COL26A1: variants seen among roughly 807,000 people sequenced by gnomAD.
COL26A1 encodes the protein collagen alpha-1(XXVI) chain.
COL26A1 carries 41 observed loss-of-function variants against 59.3 expected under a neutral mutation model. That is an observed-to-expected ratio of 0.69 (90% CI 0.54 to 0.90). The LOEUF (loss-of-function observed/expected upper bound fraction) is 0.90. Among genes scored for constraint, COL26A1 ranks in the 40% least tolerant of loss-of-function variants. The probability of loss-of-function intolerance (pLI) is 0.00; values close to 1 mark genes in which losing one functional copy is unlikely to be tolerated. For missense variants in COL26A1, 612 were observed against 602.3 expected, an observed-to-expected ratio of 1.02 and a Z score of -0.17; for synonymous variants, 266 against 256.0, an observed-to-expected ratio of 1.04 and a Z score of -0.37.
At chr7:101,502,567 T>C (rs1293956086) in intron 3 of COL26A1, among the ~76,000 whole-genome samples, 1 of 152,228 alleles carries the variant, frequency 6.6e-6, no homozygotes, top group African/African-American at 2.4e-5. Flanking sequence ...CCTCAGGGAC[T>C]GGCAGGTGCT....
At chr7:101,452,919 C>T (rs1213589214) in intron 3 of COL26A1, among the ~76,000 whole-genome samples, 2 of 152,120 alleles carry the variant, frequency 1.3e-5, no homozygotes, top group Non-Finnish European at 2.9e-5. Flanking sequence ...CATCTGCCAC[C>T]ATGCCTGGCT....
chr7:101,458,348 A>G, intron 3 of COL26A1, among the ~76,000 whole-genome samples: 1 of 152,150 alleles, frequency 6.6e-6, no homozygotes, highest in Non-Finnish European at 1.5e-5. Flanking sequence ...GTGAAATGGT[A>G]CTTTAGGCCG....
intron 1 of COL26A1, among the ~76,000 whole-genome samples, chr7:101,368,540 A>G (rs902092311): frequency 3.9e-5 from 6 of 152,124 alleles, no homozygotes; most frequent in African/African-American, 1.4e-4. Flanking sequence ...CACTATTTAT[A>G]CTTACTTTTA....
intron 1 of COL26A1, among the ~76,000 whole-genome samples, chr7:101,363,725 G>T (rs1165188024): frequency 6.6e-6 from 1 of 151,906 alleles, no homozygotes; most frequent in African/African-American, 2.4e-5. Context: ...CCCAACCTTC[G>T]CCCCCTCGTT....
intron 3 of COL26A1, among the ~76,000 whole-genome samples, chr7:101,476,806 C>T (rs932367139): frequency 6.6e-6 from 1 of 150,918 alleles, no homozygotes; most frequent in Non-Finnish European, 1.5e-5. Flanking sequence ...CTCGGCCTCC[C>T]AAAGTGCTGG....
chr7:101,478,309 C>T (rs1037636856), intron 3 of COL26A1, among the ~76,000 whole-genome samples: 2 of 152,170 alleles, frequency 1.3e-5, no homozygotes, highest in Non-Finnish European at 2.9e-5. Context: ...AAACACAAAC[C>T]TTTCTGTGAC....
intron 3 of COL26A1, among the ~76,000 whole-genome samples, chr7:101,476,617 G>A (rs900614347): frequency 6.6e-6 from 1 of 150,626 alleles, no homozygotes; most frequent in Non-Finnish European, 1.5e-5. Context: ...GCATGATCTC[G>A]GCTCACTGCA....
intron 3 of COL26A1, among the ~76,000 whole-genome samples, chr7:101,507,491 A>G (rs1261279828): frequency 6.7e-6 from 1 of 150,210 alleles, no homozygotes; most frequent in Non-Finnish European, 1.5e-5. Context: ...GTGTGATCAC[A>G]GTTCACTGCA....
At chr7:101,540,070 G>T in intron 5 of COL26A1, 21 bp downstream of exon 5, 1 of 1,603,402 alleles carries the variant, frequency 6.2e-7, no homozygotes, top group Non-Finnish European at 8.5e-7. Flanking sequence ...GCTGCAGAGA[G>T]GACAGGCTGG....
intron 2 of COL26A1, among the ~76,000 whole-genome samples, chr7:101,435,894 G>A (rs1792902785): frequency 1.3e-5 from 2 of 152,196 alleles, no homozygotes; most frequent in Non-Finnish European, 2.9e-5. Flanking sequence ...TCTGCCAGAC[G>A]GCCCCCTGCC....
intron 2 of COL26A1, among the ~76,000 whole-genome samples, chr7:101,425,722 C>T (rs773610206): frequency 6.6e-5 from 10 of 151,820 alleles, no homozygotes; most frequent in African/African-American, 2.2e-4. Context: ...ATGTCGGTCT[C>T]GAACTCCTGA....
intron 1 of COL26A1, among the ~76,000 whole-genome samples, chr7:101,387,776 A>T (rs199795605): frequency 0.71 from 59,773 of 83,676 alleles, 21,277 homozygotes; most frequent in East Asian, 0.85. Flanking sequence ...ATATATATAT[A>T]TATTTTTTTT....
intron 2 of COL26A1, among the ~76,000 whole-genome samples, chr7:101,431,703 C>T (rs960367653): frequency 2.0e-5 from 3 of 151,864 alleles, no homozygotes; most frequent in South Asian, 2.1e-4. Flanking sequence ...GATTTTTCTT[C>T]GTTAGGCTGT....
intron 3 of COL26A1, among the ~76,000 whole-genome samples, chr7:101,485,169 A>G (rs1426264068): frequency 6.6e-6 from 1 of 152,102 alleles, no homozygotes; most frequent in Non-Finnish European, 1.5e-5. Context: ...ATATATTTCT[A>G]CCGGGGGAGA....
In COL26A1 at chr7:101,482,302, C is replaced by T. The variant is rs574651002; in HGVS notation, c.385+34515C>T. On this transcript the variant is annotated intron_variant, in intron 3 of 12. Coordinates refer to ENST00000313669, the MANE Select transcript of COL26A1 (RefSeq NM_001278563.3). ...GGATTAAAGGCGTTAGCCACCACCG[C>T]GCCTGGCCTTCTTTTTCCTTTTTAT... 4.6e-5 allele frequency among the ~76,000 whole-genome samples: 7 copies of T among 152,186 alleles called. No individual in the cohort carries two copies. In the East Asian group the frequency reaches 7.7e-4, roughly 17 times the overall value.
At chr7:101,404,682 G>C (rs1792086610) in intron 1 of COL26A1, among the ~76,000 whole-genome samples, 1 of 152,210 alleles carries the variant, frequency 6.6e-6, no homozygotes, top group Admixed American at 6.5e-5. Flanking sequence ...GATTGCTTGA[G>C]CCCAGGAGCT....
Position 101,545,463 on chromosome 7 carries a change from TC to T in COL26A1, c.832del (p.Leu278CysfsTer71). 1 of 1,608,122 alleles carries T rather than the reference TC, an allele frequency of 6.2e-7. No individual in the cohort carries two copies. The highest frequency in any genetic ancestry group is 8.5e-7 in the Non-Finnish European group (1 of 1,177,664). On this transcript the variant is annotated frameshift_variant, in exon 7 of 13. Transcript: ENST00000313669. LOFTEE classifies it high-confidence loss of function. The part of the protein sequence containing the change: ...SPNSPQGALY[S>X]LQPPTDKDNG... ...AAACAGCCCCCAGGGCGCCCTCTAC[TC>T]CCTGCAGCCGCCTACAGACAAAGAC...
At chr7:101,393,175 T>C (rs1791774256) in intron 1 of COL26A1, among the ~76,000 whole-genome samples, 1 of 152,028 alleles carries the variant, frequency 6.6e-6, no homozygotes, top group Admixed American at 6.6e-5. Context: ...CTAATTCTTT[T>C]GTAATTTTAG....
chr7:101,391,194 A>C (rs1289379107), intron 1 of COL26A1, among the ~76,000 whole-genome samples: 2 of 152,210 alleles, frequency 1.3e-5, no homozygotes, highest in African/African-American at 2.4e-5. Context: ...TCTGGGGGCA[A>C]GGCAGGAGTT....
Sources: allele counts gnomAD v4.1 joint callset (sites outside exome capture counted in the v4.1 genomes callset), GRCh38; gene constraint gnomAD v4.1.1; transcripts MANE v1.5; gene names NCBI Gene and HGNC (gene_info 2026-07-23, HGNC 2026-07-21).